Variants in TRA2A observed in about 807,000 individuals in gnomAD.
The protein encoded by TRA2A is transformer 2 alpha homolog, also known as transformer-2 protein homolog alpha.
In TRA2A, 31 loss-of-function variants were observed where a neutral mutation model predicts 45.7. That is an observed-to-expected ratio of 0.68 (90% CI 0.51 to 0.92). The LOEUF (loss-of-function observed/expected upper bound fraction) is 0.92, where lower values mean the gene tolerates loss of function less well. TRA2A is among the 40% of genes least tolerant of loss of function. The pLI is 0.00. For synonymous variants in TRA2A, 132 were observed against 126.2 expected (o/e 1.05, Z -0.31); for missense variants, 304 against 367.5 (o/e 0.83, Z 1.41).
intron 2 of TRA2A, among the ~76,000 whole-genome samples, chr7:23,519,863 A>G (rs1051459655): frequency 5.3e-5 from 8 of 152,154 alleles, no homozygotes; most frequent in African/African-American, 1.9e-4. Flanking sequence ...TAAAATGAAG[A>G]AAAAAAAGTA....
chr7:23,522,813 T>C (rs1790189125), intron 1 of TRA2A, among the ~76,000 whole-genome samples: 1 of 152,132 alleles, frequency 6.6e-6, no homozygotes, highest in Non-Finnish European at 1.5e-5. Context: ...AAATAAGCTT[T>C]CACTAAGTCA....
intron 1 of TRA2A, among the ~76,000 whole-genome samples, chr7:23,525,336 T>C (rs1790298087): frequency 6.6e-6 from 1 of 152,184 alleles, no homozygotes; most frequent in Non-Finnish European, 1.5e-5. Flanking sequence ...TGGGAATGGG[T>C]GGTATCTGCC....
chr7:23,531,637 AG>A, intron 1 of TRA2A, 151 bp downstream of exon 1: 1 of 773,010 alleles, frequency 1.3e-6, no homozygotes, highest in South Asian at 1.7e-5. Context: ...AGTGGAACCC[AG>A]AAGCCATCTT....
chr7:23,531,171 G>A (rs941596319), intron 1 of TRA2A: 3 of 980,900 alleles, frequency 3.1e-6, no homozygotes, highest in Non-Finnish European at 2.4e-6. Flanking sequence ...CGGTGCGGTC[G>A]TTGACTAACC....
chr7:23,531,693 G>T (rs781603514), intron 1 of TRA2A, 96 bp downstream of exon 1: 91 of 1,399,384 alleles, frequency 6.5e-5, no homozygotes, highest in Non-Finnish European at 8.8e-5. Context: ...GTTGCTCCTC[G>T]CGGGACTACC....
chr7:23,505,840 A>G (rs1451525634), intron 6 of TRA2A, 27 bp from the exon 7 acceptor site: 1 of 1,364,274 alleles, frequency 7.3e-7, no homozygotes. Flanking sequence ...ATTACTTAGC[A>G]TACTATATAA....
chr7:23,513,193 T>TA, intron 3 of TRA2A, 111 bp from the exon 4 acceptor site: 3 of 762,002 alleles, frequency 3.9e-6, no homozygotes, highest in Non-Finnish European at 6.0e-6. Context: ...ATATTGTTTC[T>TA]AATAATTTGG....
intron 4 of TRA2A, among the ~76,000 whole-genome samples, chr7:23,509,426 T>C (rs1314400821): frequency 6.6e-6 from 1 of 152,160 alleles, no homozygotes; most frequent in East Asian, 1.9e-4. Context: ...GGAATACAAA[T>C]TTTAAAAAGA....
intron 1 of TRA2A, chr7:23,531,525 G>A: frequency 1.8e-6 from 1 of 569,578 alleles, no homozygotes; most frequent in East Asian, 3.0e-5. Context: ...GGAGAAGGGA[G>A]GAAGCAATGC....
intron 3 of TRA2A, among the ~76,000 whole-genome samples, chr7:23,513,965 A>C (rs1789743372): frequency 6.6e-6 from 1 of 152,206 alleles, no homozygotes; most frequent in Non-Finnish European, 1.5e-5. Flanking sequence ...CTATGACCTA[A>C]TGCTTGTTTG....
At position 23,506,303 on chromosome 7, in the gene TRA2A, T is replaced by C. The variant is rs1179863348; in HGVS notation, c.642-37A>G. ...TGTAAAAATTCTCCATTAGTGTGAA[T>C]GACTATTTTCCAGGACACTTTAATA... On this transcript the variant is annotated intron_variant, in intron 5 of 7. Coordinates refer to ENST00000297071, the MANE Select transcript of TRA2A (RefSeq NM_013293.5). 4 of 1,548,638 alleles carry C rather than the reference T, an allele frequency of 2.6e-6. No homozygotes were observed. In the Admixed American group the frequency reaches 6.0e-5, roughly 23 times the overall value.
chr7:23,510,066 A>G (rs1373186016), intron 4 of TRA2A, among the ~76,000 whole-genome samples: 2 of 152,114 alleles, frequency 1.3e-5, no homozygotes, highest in Admixed American at 6.6e-5. Flanking sequence ...CAAACAACAA[A>G]AAAAGAAAAA....
intron 3 of TRA2A, among the ~76,000 whole-genome samples, chr7:23,515,084 C>T (rs1467760221): frequency 6.6e-6 from 1 of 152,086 alleles, no homozygotes; most frequent in Non-Finnish European, 1.5e-5. Context: ...TTTAAGTGTA[C>T]TGAATAAAAG....
In TRA2A at chr7:23,521,703, T is replaced by G. The variant is rs1240363564; in HGVS notation, c.170+4A>C. Reference sequence around the variant, plus strand: ...ATTTTAAGTATTATCTTAAACACACTTACCTGGATTTTGATCTTGATCGAG... The same window carrying G: ...ATTTTAAGTATTATCTTAAACACACGTACCTGGATTTTGATCTTGATCGAG... On this transcript the variant is annotated splice_donor_region_variant and intron_variant, in intron 2 of 7. Transcript: ENST00000297071. 1 of 1,614,026 alleles carries G rather than the reference T, an allele frequency of 6.2e-7. No homozygotes were observed. Among genetic ancestry groups the G allele is most frequent in the South Asian group, 1.1e-5 (1 of 91,068 alleles).
Position 23,513,192 on chromosome 7 carries a change from C to T in TRA2A, c.337-110G>A, listed in dbSNP as rs867056407. 53 of 752,214 alleles carry T rather than the reference C, an allele frequency of 7.0e-5. No homozygotes were observed. The Middle Eastern group carries it at 2.7e-3, about 39-fold the overall frequency. 46.6% of individuals were successfully genotyped at this position (752,214 alleles called of 1,614,324 possible). A position where few individuals can be genotyped will look rare whatever the true frequency, so the allele number is the denominator to read the frequency against. ...CTAATACACAATAAATATATTGTTT[C>T]TAATAATTTGGAGATAAGATTTTAA... is the stretch of plus-strand genomic sequence containing the variant. On this transcript the variant is annotated intron_variant, in intron 3 of 7. Coordinates refer to ENST00000297071, the MANE Select transcript of TRA2A (RefSeq NM_013293.5).
intron 1 of TRA2A, among the ~76,000 whole-genome samples, chr7:23,530,744 T>C (rs1013733671): frequency 6.6e-6 from 1 of 152,184 alleles, no homozygotes; most frequent in African/African-American, 2.4e-5. Context: ...TAAAAACTTT[T>C]TTCTGAGCCC....
At chr7:23,515,145 C>CGTAA (rs1789802718) in intron 3 of TRA2A, among the ~76,000 whole-genome samples, 1 of 152,112 alleles carries the variant, frequency 6.6e-6, no homozygotes, top group Non-Finnish European at 1.5e-5. Context: ...ACCCCCTTAC[C>CGTAA]CCATCAAAAA....
At chr7:23,505,715 T>G (rs1789300526) in intron 7 of TRA2A, 31 bp downstream of exon 7, 1 of 1,466,936 alleles carries the variant, frequency 6.8e-7, no homozygotes, top group Non-Finnish European at 9.2e-7. Flanking sequence ...GAAATGAGGT[T>G]TTTTATGCTA....
intron 1 of TRA2A, among the ~76,000 whole-genome samples, chr7:23,524,420 G>A (rs1331939969): frequency 6.6e-6 from 1 of 151,988 alleles, no homozygotes; most frequent in Non-Finnish European, 1.5e-5. Context: ...CTGACCTCTA[G>A]TGATCTGCCC....
Sources: allele counts gnomAD v4.1 joint callset (sites outside exome capture counted in the v4.1 genomes callset), GRCh38; gene constraint gnomAD v4.1.1; transcripts MANE v1.5; gene names NCBI Gene and HGNC (gene_info 2026-07-23, HGNC 2026-07-21).